Variants in PCSK2 observed in about 807,000 individuals in gnomAD.
PCSK2 encodes the protein neuroendocrine convertase 2.
PCSK2 carries 14 observed loss-of-function variants against 69.7 expected under a neutral mutation model. The observed-to-expected ratio is 0.20, with a 90% CI of 0.13 to 0.31. PCSK2 has a LOEUF of 0.31. Ranked by LOEUF, PCSK2 falls within the 10% of genes least tolerant of loss-of-function variation. The pLI is 1.00. For synonymous variants in PCSK2, 307 were observed against 320.7 expected, an observed-to-expected ratio of 0.96 and a Z score of 0.46; for missense variants, 544 against 842.5, an observed-to-expected ratio of 0.65 and a Z score of 4.39.
intron 2 of PCSK2, among the ~76,000 whole-genome samples, chr20:17,286,573 A>G (rs1018965734): frequency 2.6e-5 from 4 of 152,200 alleles, no homozygotes; most frequent in Admixed American, 2.0e-4. Context: ...AGTACAATCT[A>G]CTAAGATGTA....
At chr20:17,247,785 C>T (rs1021310186) in intron 1 of PCSK2, among the ~76,000 whole-genome samples, 5 of 152,214 alleles carry the variant, frequency 3.3e-5, no homozygotes, top group African/African-American at 1.2e-4. Flanking sequence ...TTAAAAGAAG[C>T]AGGAAATAGG....
At chr20:17,248,649 G>A (rs983079685) in intron 1 of PCSK2, among the ~76,000 whole-genome samples, 1 of 152,204 alleles carries the variant, frequency 6.6e-6, no homozygotes, top group African/African-American at 2.4e-5. Context: ...ATAAGAGTAA[G>A]CTCGTCAGAG....
chr20:17,437,272 G>A (rs1253243700), intron 8 of PCSK2, among the ~76,000 whole-genome samples: 2 of 152,206 alleles, frequency 1.3e-5, no homozygotes, highest in African/African-American at 2.4e-5. Flanking sequence ...GGGTCTCGGC[G>A]CACACAGGGC....
chr20:17,263,005 G>T (rs1016311049), intron 2 of PCSK2: 4 of 206,186 alleles, frequency 1.9e-5, no homozygotes, highest in Admixed American at 6.5e-5. Flanking sequence ...CTGTCTACAG[G>T]CTTGTGGTAA....
intron 11 of PCSK2, among the ~76,000 whole-genome samples, chr20:17,470,621 G>A (rs112102297): frequency 7.2e-5 from 11 of 152,276 alleles, no homozygotes; most frequent in East Asian, 5.8e-4. Context: ...AACTTCTCTC[G>A]GAAAGTCACT....
At chr20:17,459,361 GA>G (rs1276318003) in intron 10 of PCSK2, among the ~76,000 whole-genome samples, 1 of 152,194 alleles carries the variant, frequency 6.6e-6, no homozygotes, top group African/African-American at 2.4e-5. Context: ...GGGCTACTAT[GA>G]GTGATATTGT....
chr20:17,466,344 G>A (rs1274623549), intron 11 of PCSK2, among the ~76,000 whole-genome samples: 1 of 152,194 alleles, frequency 6.6e-6, no homozygotes, highest in Non-Finnish European at 1.5e-5. Context: ...GTGAGATCCA[G>A]TCATGTTTAA....
intron 1 of PCSK2, among the ~76,000 whole-genome samples, chr20:17,251,469 A>C (rs1986976406): frequency 6.6e-6 from 1 of 152,238 alleles, no homozygotes. Context: ...TAAGTTGGCT[A>C]TGCCTTGAAG....
chr20:17,428,997 C>CAAAAAAAAAAAAA lies in PCSK2; in HGVS notation c.621-418_621-406dup, dbSNP rs60206058. Among the ~76,000 whole-genome samples, 27 of 36,952 alleles carry CAAAAAAAAAAAAA rather than the reference C, an allele frequency of 7.3e-4. 1 individual carries two copies. Among genetic ancestry groups the CAAAAAAAAAAAAA allele is most frequent in the South Asian group, 1.5e-3 (1 of 686 alleles). 24.2% of individuals were successfully genotyped at this position (36,952 alleles called of 152,430 possible). On this transcript the variant is annotated intron_variant, in intron 6 of 11. Coordinates refer to ENST00000262545, the MANE Select transcript of PCSK2 (RefSeq NM_002594.5). ...CTGGGTGACCGAGGAGACTCTGTCT[C>CAAAAAAAAAAAAA]AAAAAAAAAAAAAAAAAAAAAAAAA... is the stretch of plus-strand genomic sequence containing the variant.
At chr20:17,455,068 G>A (rs555832398) in intron 9 of PCSK2, among the ~76,000 whole-genome samples, 35 of 152,084 alleles carry the variant, frequency 2.3e-4, no homozygotes, top group Non-Finnish European at 3.7e-4. Context: ...AGGGAGAAGG[G>A]CAGAGCAGAC....
At chr20:17,287,759 C>T (rs1317930381) in intron 2 of PCSK2, among the ~76,000 whole-genome samples, 1 of 152,184 alleles carries the variant, frequency 6.6e-6, no homozygotes, top group Non-Finnish European at 1.5e-5. Flanking sequence ...ATAACCCTGG[C>T]CAGCCAGTAT....
intron 2 of PCSK2, among the ~76,000 whole-genome samples, chr20:17,345,536 G>A (rs1378138240): frequency 6.6e-6 from 1 of 152,184 alleles, no homozygotes; most frequent in East Asian, 1.9e-4. Context: ...CATAGGCAGT[G>A]TATAAACAAA....
At chr20:17,303,735 C>T (rs908876434) in intron 2 of PCSK2, among the ~76,000 whole-genome samples, 4 of 146,896 alleles carry the variant, frequency 2.7e-5, no homozygotes, top group African/African-American at 7.5e-5. Flanking sequence ...TGCCACCCCA[C>T]CCATCTAATT....
intron 6 of PCSK2, among the ~76,000 whole-genome samples, chr20:17,421,527 C>T (rs2032126062): frequency 6.6e-6 from 1 of 152,162 alleles, no homozygotes; most frequent in Non-Finnish European, 1.5e-5. Context: ...GAGCTTCTTT[C>T]TCCAAAGCCA....
At chr20:17,447,416 T>C (rs578175166) in intron 8 of PCSK2, among the ~76,000 whole-genome samples, 4 of 152,196 alleles carry the variant, frequency 2.6e-5, no homozygotes, top group African/African-American at 4.8e-5. Context: ...TGAAAAAATA[T>C]ATAACTCAAA....
intron 1 of PCSK2, among the ~76,000 whole-genome samples, chr20:17,250,406 G>A (rs778734763): frequency 4.4e-4 from 67 of 152,110 alleles, no homozygotes; most frequent in Non-Finnish European, 8.7e-4. Flanking sequence ...CATGAACAAT[G>A]TGCCCTTCTT....
chr20:17,280,363 C>T (rs980928425), intron 2 of PCSK2, among the ~76,000 whole-genome samples: 6 of 152,134 alleles, frequency 3.9e-5, no homozygotes, highest in African/African-American at 1.4e-4. Context: ...CTTCTTTGTG[C>T]ACAAATATAA....
chr20:17,314,868 C>T (rs1364896384), intron 2 of PCSK2, among the ~76,000 whole-genome samples: 4 of 152,284 alleles, frequency 2.6e-5, no homozygotes, highest in Admixed American at 2.0e-4. Flanking sequence ...TCCTTTCATG[C>T]TTGCTGTGTC....
At chr20:17,379,781 C>T (rs2031037077) in intron 5 of PCSK2, among the ~76,000 whole-genome samples, 1 of 152,244 alleles carries the variant, frequency 6.6e-6, no homozygotes, top group Non-Finnish European at 1.5e-5. Context: ...GTCATCAAGG[C>T]GCCTAATCAG....
Sources: allele counts gnomAD v4.1 joint callset (sites outside exome capture counted in the v4.1 genomes callset), GRCh38; gene constraint gnomAD v4.1.1; transcripts MANE v1.5; gene names NCBI Gene and HGNC (gene_info 2026-07-23, HGNC 2026-07-21).